PCNX2: variants seen among roughly 807,000 people sequenced by gnomAD.
The protein encoded by PCNX2 is pecanex-like protein 2.
A neutral mutation model predicts 223.8 loss-of-function variants in PCNX2; 168 were observed. The ratio of observed to expected loss-of-function variants is 0.75; its 90% CI spans 0.66 to 0.85. The LOEUF is 0.85. Among genes scored for constraint, PCNX2 ranks in the 40% least tolerant of loss-of-function variants. The pLI is 0.00. For synonymous variants in PCNX2, 1,006 were observed against 1,052.6 expected, an observed-to-expected ratio of 0.96 and a Z score of 0.86; for missense variants, 2,507 against 2,675.5, an observed-to-expected ratio of 0.94 and a Z score of 1.39.
intron 1 of PCNX2, chr1:233,291,802 A>C: frequency 1.0e-6 from 1 of 984,942 alleles, no homozygotes; most frequent in Non-Finnish European, 1.2e-6. Flanking sequence ...CAATTTAAAT[A>C]TCTCTCAAGA....
intron 25 of PCNX2, among the ~76,000 whole-genome samples, chr1:233,049,658 A>G (rs150283070): frequency 1.8e-4 from 28 of 152,298 alleles, no homozygotes; most frequent in African/African-American, 6.3e-4. Context: ...TAGAAAAAGA[A>G]GTCAAAATAT....
intron 23 of PCNX2, among the ~76,000 whole-genome samples, chr1:233,072,942 G>A (rs1274730665): frequency 6.6e-6 from 1 of 152,156 alleles, no homozygotes; most frequent in East Asian, 1.9e-4. Context: ...TGAAAGATTT[G>A]AGAATAATTG....
At chr1:233,056,306 T>C (rs1414159734) in intron 24 of PCNX2, among the ~76,000 whole-genome samples, 4 of 152,220 alleles carry the variant, frequency 2.6e-5, no homozygotes, top group East Asian at 3.9e-4. Flanking sequence ...AACAAAACAA[T>C]TGAAATCACT....
At chr1:233,086,473 C>T (rs1030488152) in intron 23 of PCNX2, among the ~76,000 whole-genome samples, 3 of 151,206 alleles carry the variant, frequency 2.0e-5, no homozygotes, top group Non-Finnish European at 4.4e-5. Context: ...CTGGCTAACA[C>T]GGTGAAACCC....
Position 233,000,509 on chromosome 1 carries a change from A to C in PCNX2, c.5124T>G (p.Tyr1708Ter). 1 of 1,602,360 alleles carries C rather than the reference A, an allele frequency of 6.2e-7. No homozygotes were observed. The highest frequency in any genetic ancestry group is 8.5e-7 in the Non-Finnish European group (1 of 1,176,802). Residue 1708 changes from tyrosine to a stop codon, truncating the protein, a stop_gained, in exon 30 of 34, where the codon TAT becomes TAG. Coordinates refer to ENST00000258229, the MANE Select transcript of PCNX2 (RefSeq NM_014801.4). LOFTEE classifies it high-confidence loss of function. The surrounding 1 kb of genome is among the most constrained non-coding windows in gnomAD (Gnocchi z 4.6). ...HQDQFTCPDE[Y>*]EDPAVLYEAI... Reference sequence around the variant, plus strand: ...CCTCGTAGAGGACTGCTGGGTCTTCATACTCGTCAGGGCAAGTGAACTGGT... The same window carrying C: ...CCTCGTAGAGGACTGCTGGGTCTTCCTACTCGTCAGGGCAAGTGAACTGGT...
chr1:233,160,255 T>C, intron 19 of PCNX2, 28 bp downstream of exon 19: 3 of 1,595,376 alleles, frequency 1.9e-6, no homozygotes, highest in Non-Finnish European at 2.6e-6. Context: ...CCTTTTTTTT[T>C]TTTTTAAATG....
At chr1:232,993,069 T>C (rs1272146562) in intron 32 of PCNX2, among the ~76,000 whole-genome samples, 1 of 152,190 alleles carries the variant, frequency 6.6e-6, no homozygotes, top group Non-Finnish European at 1.5e-5. Flanking sequence ...GGTATTACTA[T>C]AAAGATACCT....
intron 32 of PCNX2, among the ~76,000 whole-genome samples, chr1:232,989,404 A>C (rs1039919888): frequency 6.6e-5 from 10 of 151,846 alleles, no homozygotes; most frequent in Non-Finnish European, 7.4e-5. Flanking sequence ...CAGTGAGCCG[A>C]GATAGCGCCA....
chr1:233,250,490 G>A (rs1426619619), intron 8 of PCNX2: 1 of 865,504 alleles, frequency 1.2e-6, no homozygotes, highest in Non-Finnish European at 1.4e-6. Flanking sequence ...TTTATACAGA[G>A]TTCCTGTCTA....
At chr1:233,281,439 T>C (rs1661188078) in intron 1 of PCNX2, among the ~76,000 whole-genome samples, 1 of 152,188 alleles carries the variant, frequency 6.6e-6, no homozygotes, top group African/African-American at 2.4e-5. Flanking sequence ...GAGATAAGAA[T>C]AAGAAATGCG....
intron 23 of PCNX2, among the ~76,000 whole-genome samples, chr1:233,068,592 T>G (rs1155739): frequency 0.39 from 59,096 of 151,848 alleles, 13,447 homozygotes; most frequent in African/African-American, 0.63. Context: ...GGAAGCTAAA[T>G]GGACATGAAA....
Position 233,114,724 on chromosome 1 carries a change from A to G in PCNX2, c.3838-18861T>C, listed in dbSNP as rs964120716. On this transcript the variant is annotated intron_variant, in intron 21 of 33. Coordinates refer to ENST00000258229, the MANE Select transcript of PCNX2 (RefSeq NM_014801.4). ...CGACAGGCGCATCCAGAAAGTCACA[A>G]TGCAGATTAGCTTCTGTGGGGCAAA... Among the ~76,000 whole-genome samples, 7 of 152,322 alleles carry G rather than the reference A, an allele frequency of 4.6e-5. 1 individual carries two copies. In the South Asian group the frequency reaches 1.5e-3, roughly 32 times the overall value.
intron 5 of PCNX2, among the ~76,000 whole-genome samples, chr1:233,254,504 G>A (rs768641720): frequency 3.3e-5 from 5 of 152,000 alleles, no homozygotes; most frequent in South Asian, 4.2e-4. Context: ...ACATATGGAC[G>A]GTTTTTTTCC....
rs931587685 is a variant in PCNX2 at position 233,001,641 on chromosome 1, C to T, written c.4993G>A (p.Gly1665Ser). Residue 1665 changes from glycine (G) to serine (S), a missense_variant, in exon 29 of 34, where the codon GGT becomes AGT. Gly to Ser is a moderately conservative substitution (Grantham distance 56). Transcript: ENST00000258229. This position sits in a 1 kb window ranked among gnomAD's most constrained non-coding sequence, Gnocchi z 4.2. ...FLYGLHVLFK[G>S]DFRITARDEW... ...TCACGTGCTGTTATTCTGAAGTCAC[C>T]TTTGAAGAGGACATGGAGGCCATAC... 1 of 1,593,712 alleles carries T rather than the reference C, an allele frequency of 6.3e-7. No homozygotes were observed. Among genetic ancestry groups the T allele is most frequent in the African/African-American group, 1.3e-5 (1 of 74,784 alleles).
chr1:233,046,703 A>G (rs1172367342), intron 25 of PCNX2, among the ~76,000 whole-genome samples: 1 of 152,218 alleles, frequency 6.6e-6, no homozygotes, highest in East Asian at 1.9e-4. Context: ...TGGGCAGTCT[A>G]GTCTCACATA....
Position 233,016,861 on chromosome 1 carries a change from C to A in PCNX2, c.4839+60G>T, listed in dbSNP as rs1670682753. The A allele has an allele frequency of 3.2e-6, 5 of 1,569,594 alleles. No individual in the cohort carries two copies. In the East Asian group the frequency reaches 1.1e-4, roughly 36 times the overall value. On this transcript the variant is annotated intron_variant, in intron 27 of 33. Transcript: ENST00000258229. ...GAATATAAGAAAGAGATGGACATGACAATGTTCTTTATTTATTAAACTTAC... is the reference window on the plus strand; with the variant it reads ...GAATATAAGAAAGAGATGGACATGAAAATGTTCTTTATTTATTAAACTTAC...
chr1:233,166,493 C>T (rs1397325589), intron 17 of PCNX2, among the ~76,000 whole-genome samples: 3 of 152,000 alleles, frequency 2.0e-5, no homozygotes, highest in Non-Finnish European at 4.4e-5. Context: ...ACTCATAAAA[C>T]CCACATTCAA....
intron 17 of PCNX2, among the ~76,000 whole-genome samples, chr1:233,166,585 A>C (rs1224693900): frequency 6.6e-6 from 1 of 152,180 alleles, no homozygotes; most frequent in Non-Finnish European, 1.5e-5. Flanking sequence ...CAGACGCTTC[A>C]CTGAAGGAGA....
At chr1:233,005,825 C>T (rs982323188) in intron 28 of PCNX2, among the ~76,000 whole-genome samples, 9 of 152,186 alleles carry the variant, frequency 5.9e-5, no homozygotes, top group African/African-American at 2.2e-4. Flanking sequence ...CAGGCTCCCA[C>T]CCTCAGGCCA....
Sources: allele counts gnomAD v4.1 joint callset (sites outside exome capture counted in the v4.1 genomes callset), GRCh38; gene constraint gnomAD v4.1.1; non-coding constraint Gnocchi (gnomAD v3.1); transcripts MANE v1.5; gene names NCBI Gene and HGNC (gene_info 2026-07-23, HGNC 2026-07-21).